The following PDE12 variants were observed in gnomAD, a reference collection of about 807,000 sequenced individuals.
PDE12 encodes the protein 2',5'-phosphodiesterase 12.
A neutral mutation model predicts 45.4 loss-of-function variants in PDE12; 26 were observed. That is an observed-to-expected ratio of 0.57 (90% CI 0.42 to 0.79). The LOEUF is 0.79. Among genes scored for constraint, PDE12 ranks in the 30% least tolerant of loss-of-function variants. PDE12 has a pLI of 0.00. For missense variants in PDE12, 668 were observed against 790.0 expected (o/e 0.85, Z 1.85); for synonymous variants, 283 against 323.9 (o/e 0.87, Z 1.36).
chr3:57,645,835 A>G, the PDE12 span: 3 of 1,021,146 alleles, frequency 2.9e-6, no homozygotes, highest in South Asian at 4.3e-5. Flanking sequence ...ACATCTATAC[A>G]AACGGTATAC....
downstream of PDE12, among the ~76,000 whole-genome samples, chr3:57,570,219 G>GTTT (rs34599005): frequency 5.7e-3 from 582 of 102,294 alleles, 40 homozygotes; most frequent in Admixed American, 0.02. Context: ...TTAATCCAGT[G>GTTT]TTTTTTTTTT....
intron 2 of PDE12, 23 bp from the exon 3 acceptor site, chr3:57,559,535 TTACA>T: frequency 6.4e-7 from 1 of 1,574,652 alleles, no homozygotes; most frequent in Non-Finnish European, 8.6e-7. Context: ...TAAAAAATAC[TTACA>T]TTAATGTTTT....
At chr3:57,616,208 C>A in the PDE12 span, among the ~76,000 whole-genome samples, 2 of 152,030 alleles carry the variant, frequency 1.3e-5, no homozygotes. Flanking sequence ...GCTGTACTCC[C>A]AGCTACTCAG....
chr3:57,583,790 G>A, the PDE12 span: 1 of 775,888 alleles, frequency 1.3e-6, no homozygotes, highest in Non-Finnish European at 2.1e-6. Context: ...TAAGACAAAT[G>A]CCAACTCATA....
chr3:57,603,062 C>G, the PDE12 span, among the ~76,000 whole-genome samples: 1 of 151,516 alleles, frequency 6.6e-6, no homozygotes, highest in African/African-American at 2.4e-5. Context: ...AACTACTCAG[C>G]AGGCTGAGGC....
At chr3:57,581,598 C>G in the PDE12 span, among the ~76,000 whole-genome samples, 1 of 152,114 alleles carries the variant, frequency 6.6e-6, no homozygotes, top group African/African-American at 2.4e-5. Context: ...GTCAGGAGAT[C>G]GAGACCAGCC....
the PDE12 span, among the ~76,000 whole-genome samples, chr3:57,643,826 C>CAA: frequency 2.3e-4 from 22 of 94,172 alleles, no homozygotes; most frequent in Admixed American, 4.8e-4. Context: ...GACTCTGTCT[C>CAA]AAAAAAAAAA....
the PDE12 span, chr3:57,575,704 AC>A: frequency 1.3e-6 from 2 of 1,574,466 alleles, no homozygotes; most frequent in Non-Finnish European, 1.7e-6. Flanking sequence ...ATTAACAACT[AC>A]CAACCGGAAT....
chr3:57,556,348 C>T lies in PDE12; in HGVS notation c.-32C>T, dbSNP rs561983363. 1.3e-6 allele frequency: 2 copies of T among 1,525,378 alleles called. No homozygotes were observed. The highest frequency in any genetic ancestry group is 2.8e-5 in the African/African-American group (2 of 72,640). 94.5% of individuals were successfully genotyped at this position (1,525,378 alleles called of 1,614,324 possible). A position where few individuals can be genotyped will look rare whatever the true frequency, so the allele number is the denominator to read the frequency against. The stretch of plus-strand genomic sequence containing the variant: ...CTGACAGTAGGCCGCTGATCGGCCG[C>T]GGGTCTTGTCGACCGCTAGGCCACC... On this transcript the variant is annotated 5_prime_UTR_variant, in exon 1 of 3. Transcript: ENST00000311180. The surrounding 1 kb of genome is among the most constrained non-coding windows in gnomAD (Gnocchi z 5.0).
chr3:57,651,362 T>C, the PDE12 span, among the ~76,000 whole-genome samples: 1 of 152,204 alleles, frequency 6.6e-6, no homozygotes, highest in Admixed American at 6.5e-5. Context: ...TTCATGATAC[T>C]GCACAGATGA....
At chr3:57,614,160 CCTAA>C in the PDE12 span, among the ~76,000 whole-genome samples, 1 of 152,044 alleles carries the variant, frequency 6.6e-6, no homozygotes, top group Non-Finnish European at 1.5e-5. Flanking sequence ...GCCAACTTGA[CCTAA>C]CTGACATTTA....
chr3:57,613,900 CAAAAAAAA>C, the PDE12 span, among the ~76,000 whole-genome samples: 1,029 of 59,542 alleles, frequency 0.017, 10 homozygotes, highest in Admixed American at 0.03. Context: ...GACTCCATCT[CAAAAAAAA>C]AAAAAAAAAA....
chr3:57,583,975 T>C, the PDE12 span: 1 of 1,612,710 alleles, frequency 6.2e-7, no homozygotes, highest in Admixed American at 1.7e-5. Flanking sequence ...GTGAAACAAA[T>C]GTTCTTATAT....
chr3:57,560,292 G>A lies in PDE12; in HGVS notation c.*288G>A, dbSNP rs955120377. On this transcript the variant is annotated 3_prime_UTR_variant, in exon 3 of 3. Transcript: ENST00000311180. Reference sequence around the variant, plus strand: ...TTGAGACTCTCAGAAAAGGAAGATTGAATTAGCGTGTTTTTTGTTTGTTTG... The same window carrying A: ...TTGAGACTCTCAGAAAAGGAAGATTAAATTAGCGTGTTTTTTGTTTGTTTG... 2.1e-5 allele frequency: 25 copies of A among 1,164,488 alleles called. No homozygotes were observed. Among genetic ancestry groups the A allele is most frequent in the African/African-American group, 6.4e-5 (4 of 62,142 alleles). The allele number at this position is 1,164,488 out of a possible 1,614,324, so 72.1% of individuals were successfully genotyped here.
At chr3:57,571,256 A>C (rs192350436), downstream of PDE12, 1 of 152,376 alleles carries the variant, frequency 6.6e-6, no homozygotes, top group East Asian at 1.9e-4. Context: ...GTAACCTACC[A>C]GTGGGATCTG....
At chr3:57,596,370 G>A in the PDE12 span, among the ~76,000 whole-genome samples, 5 of 152,116 alleles carry the variant, frequency 3.3e-5, no homozygotes, top group African/African-American at 1.2e-4. Flanking sequence ...TAAAAACCTA[G>A]GAGAATAAAC....
chr3:57,560,574 C>T lies in PDE12; in HGVS notation c.*570C>T, dbSNP rs755741714. 3.4e-5 allele frequency: 28 copies of T among 823,762 alleles called. No individual in the cohort carries two copies. Among genetic ancestry groups the T allele is most frequent in the Non-Finnish European group, 3.8e-5 (26 of 682,984 alleles). 51.0% of individuals were successfully genotyped at this position (823,762 alleles called of 1,614,324 possible). On this transcript the variant is annotated 3_prime_UTR_variant, in exon 3 of 3. Transcript: ENST00000311180. ...CTCCTGACCTCAGGTGATCCACCCA[C>T]CTCGGCCTCCCAAAGTGTTGGGATT...
At chr3:57,623,405 G>GT in the PDE12 span, among the ~76,000 whole-genome samples, 2 of 151,196 alleles carry the variant, frequency 1.3e-5, no homozygotes, top group African/African-American at 4.9e-5. Flanking sequence ...ACGGCTGGGC[G>GT]TGGTGGCTCA....
chr3:57,634,856 ATTAC>A, the PDE12 span: 14 of 1,078,802 alleles, frequency 1.3e-5, no homozygotes, highest in South Asian at 6.1e-5. Context: ...TAATCTGTTT[ATTAC>A]TTAAGTATGT....
Sources: gnomAD v4.1 joint callset for allele counts (sites outside exome capture counted in the v4.1 genomes callset) on GRCh38, gnomAD v4.1.1 for gene constraint, Gnocchi (gnomAD v3.1) non-coding constraint, MANE v1.5 for transcripts, NCBI Gene and HGNC (gene_info 2026-07-23, HGNC 2026-07-21) for gene names.